The following COL5A3 variants were observed in gnomAD, a reference collection of about 807,000 sequenced individuals.
The protein encoded by COL5A3 is collagen type V alpha 3 chain.
Under a neutral mutation model 250.0 loss-of-function variants are expected in COL5A3, and 172 were observed. The observed-to-expected ratio is 0.69, with a 90% CI of 0.61 to 0.78. COL5A3 has a LOEUF of 0.78. Among genes scored for constraint, COL5A3 ranks in the 30% least tolerant of loss-of-function variants. COL5A3 has a pLI of 0.00. For synonymous variants in COL5A3, 937 were observed against 900.4 expected (o/e 1.04, Z -0.73); for missense variants, 2,340 against 2,334.4 (o/e 1.00, Z -0.05).
intron 64 of COL5A3, among the ~76,000 whole-genome samples, chr19:9,964,080 G>A (rs1304726662): frequency 1.3e-5 from 2 of 152,136 alleles, no homozygotes; most frequent in South Asian, 2.1e-4. Context: ...GGCTAAGGCA[G>A]GAGAATTGCT....
chr19:9,996,792 G>C, intron 11 of COL5A3, 103 bp from the exon 12 acceptor site: 1 of 687,406 alleles, frequency 1.5e-6, no homozygotes, highest in Non-Finnish European at 2.3e-6. Context: ...AGAGAGAGAG[G>C]GAGAGATGGA....
intron 35 of COL5A3, 23 bp from the exon 36 acceptor site, chr19:9,980,070 G>T (rs779136203): frequency 6.3e-7 from 1 of 1,591,418 alleles, no homozygotes; most frequent in Non-Finnish European, 8.5e-7. Context: ...CAGAAATCAT[G>T]ATCTCATCCC....
chr19:9,966,083 C>G (rs931499794), intron 64 of COL5A3, among the ~76,000 whole-genome samples: 3 of 152,216 alleles, frequency 2.0e-5, no homozygotes, highest in African/African-American at 7.2e-5. Flanking sequence ...CCTCCCGCCT[C>G]AGCCTCCCAA....
chr19:9,993,133 C>G (rs1599218888), intron 19 of COL5A3, 66 bp from the exon 20 acceptor site: 1 of 1,531,542 alleles, frequency 6.5e-7, no homozygotes, highest in East Asian at 2.3e-5. Flanking sequence ...CTCCCCTCAT[C>G]TGGGCAGCCC....
intron 24 of COL5A3, among the ~76,000 whole-genome samples, chr19:9,990,692 A>C (rs2087176172): frequency 6.6e-6 from 1 of 151,894 alleles, no homozygotes; most frequent in African/African-American, 2.4e-5. Flanking sequence ...CCTCCCGAGT[A>C]GCTGGGACTA....
intron 45 of COL5A3, among the ~76,000 whole-genome samples, 187 bp from the exon 46 acceptor site, chr19:9,974,595 G>A (rs1436193729): frequency 6.6e-6 from 1 of 152,160 alleles, no homozygotes; most frequent in Non-Finnish European, 1.5e-5. Context: ...GTCAAGGGTT[G>A]AGTCAAAGTG....
chr19:9,971,500 C>G (rs1337110179), intron 51 of COL5A3, among the ~76,000 whole-genome samples: 1 of 152,204 alleles, frequency 6.6e-6, no homozygotes, highest in Non-Finnish European at 1.5e-5. Context: ...TCGGGACTCA[C>G]AGAGAAAACT....
intron 10 of COL5A3, 84 bp downstream of exon 10, chr19:9,997,900 C>A: frequency 6.7e-7 from 1 of 1,484,680 alleles, no homozygotes; most frequent in Non-Finnish European, 9.3e-7. Flanking sequence ...GGCAACATTA[C>A]ACCCCAACTC....
chr19:10,007,207 CCTCT>C (rs529436789), intron 1 of COL5A3, among the ~76,000 whole-genome samples: 2 of 151,742 alleles, frequency 1.3e-5, no homozygotes, highest in East Asian at 1.9e-4. Context: ...TGACCTCCTC[CCTCT>C]GACATTCCCT....
chr19:9,985,211 A>G (rs1017042829), intron 31 of COL5A3, among the ~76,000 whole-genome samples: 10 of 149,910 alleles, frequency 6.7e-5, no homozygotes, highest in African/African-American at 9.9e-5. Flanking sequence ...TCTGCCTCCC[A>G]AAGCGTTGGG....
intron 11 of COL5A3, 98 bp from the exon 12 acceptor site, chr19:9,996,787 G>GAC (rs2087280502): frequency 2.4e-6 from 2 of 845,432 alleles, no homozygotes; most frequent in East Asian, 5.5e-5. Context: ...GAAAGAGAGA[G>GAC]AGAGGGAGAG....
chr19:9,988,703 T>A (rs1001769703), intron 27 of COL5A3, among the ~76,000 whole-genome samples: 1 of 151,384 alleles, frequency 6.6e-6, no homozygotes, highest in Non-Finnish European at 1.5e-5. Flanking sequence ...TGGTGGTGCA[T>A]GCCTGCAGTC....
chr19:9,988,140 G>A lies in COL5A3; in HGVS notation c.2145+984C>T, dbSNP rs182739772. Among the ~76,000 whole-genome samples the A allele has an allele frequency of 6.1e-3, 928 of 152,188 alleles. 8 individuals carry two copies. Among genetic ancestry groups the A allele is most frequent in the Non-Finnish European group, 7.6e-3 (520 of 68,008 alleles). On this transcript the variant is annotated intron_variant, in intron 27 of 66. Transcript: ENST00000264828. Reference sequence around the variant, plus strand: ...ATACCACTACTCGAGAGGCTGAGGCGGGAGAATCGCTTGAACCTGGGAGGC... The same window carrying A: ...ATACCACTACTCGAGAGGCTGAGGCAGGAGAATCGCTTGAACCTGGGAGGC...
At position 9,960,861 on chromosome 19, in the gene COL5A3, T is replaced by G. The variant is rs2145041286; in HGVS notation, c.4881A>C (p.Pro1627=). The G allele has an allele frequency of 6.2e-7, 1 of 1,609,454 alleles. No homozygotes were observed. Among genetic ancestry groups the G allele is most frequent in the Non-Finnish European group, 8.5e-7 (1 of 1,179,984 alleles). Residue 1627 remains proline (P), a synonymous_variant, in exon 66 of 67, where the codon CCA becomes CCC. Transcript: ENST00000264828. ...GGAAGTTCAGCTGCACGACATTCAC[T>G]GGGGACCCGTCGGCGTCCACGTAGG... ...KFSYVDADGS[P]VNVVQLNFLK...
At chr19:10,006,526 G>A (rs1369142048) in intron 1 of COL5A3, among the ~76,000 whole-genome samples, 1 of 152,106 alleles carries the variant, frequency 6.6e-6, no homozygotes, top group South Asian at 2.1e-4. Context: ...AAACTTCCTG[G>A]CCTAAGCCCC....
chr19:9,978,551 C>T (rs1482681376), intron 41 of COL5A3, 23 bp downstream of exon 41: 3 of 1,556,050 alleles, frequency 1.9e-6, no homozygotes, highest in African/African-American at 1.4e-5. Flanking sequence ...CTGCCCCCAC[C>T]CAGCACATGG....
At chr19:9,998,186 T>G in intron 8 of COL5A3, 37 bp from the exon 9 acceptor site, 2 of 1,586,628 alleles carry the variant, frequency 1.3e-6, no homozygotes, top group Non-Finnish European at 1.7e-6. Context: ...AGAAAAGAGA[T>G]GTGAACTTGG....
intron 64 of COL5A3, among the ~76,000 whole-genome samples, chr19:9,965,477 G>T (rs190598598): frequency 7.0e-6 from 1 of 142,168 alleles, no homozygotes; most frequent in Non-Finnish European, 1.5e-5. Flanking sequence ...TTTTCTAGGC[G>T]GAGTCTCACT....
At chr19:9,967,752 G>T in intron 61 of COL5A3, 152 bp downstream of exon 61, 1 of 731,278 alleles carries the variant, frequency 1.4e-6, no homozygotes. Flanking sequence ...TGGATCTGAT[G>T]AAATACAACC....
Sources: gnomAD v4.1 joint callset for allele counts (sites outside exome capture counted in the v4.1 genomes callset) on GRCh38, gnomAD v4.1.1 for gene constraint, MANE v1.5 for transcripts, NCBI Gene and HGNC (gene_info 2026-07-23, HGNC 2026-07-21) for gene names.